The following PPP6R3 variants were observed in gnomAD, a reference collection of about 807,000 sequenced individuals.
The protein encoded by PPP6R3 is protein phosphatase 6 regulatory subunit 3, also known as serine/threonine-protein phosphatase 6 regulatory subunit 3.
In PPP6R3, 38 loss-of-function variants were observed where a neutral mutation model predicts 110.7. That is an observed-to-expected ratio of 0.34 (90% CI 0.26 to 0.45). The LOEUF (loss-of-function observed/expected upper bound fraction) is 0.45. PPP6R3 is among the 20% of genes least tolerant of loss of function. The pLI is 1.00. For missense variants in PPP6R3, 870 were observed against 1,062.4 expected, an observed-to-expected ratio of 0.82 and a Z score of 2.52; for synonymous variants, 369 against 373.5, an observed-to-expected ratio of 0.99 and a Z score of 0.14.
intron 12 of PPP6R3, 44 bp from the exon 13 acceptor site, chr11:68,574,065 C>A (rs2099520934): frequency 7.2e-7 from 1 of 1,389,252 alleles, no homozygotes; most frequent in South Asian, 1.2e-5. Flanking sequence ...TTCATCACTT[C>A]ATCCTATCAG....
intron 10 of PPP6R3, 122 bp downstream of exon 10, chr11:68,567,288 G>T: frequency 1.8e-6 from 2 of 1,081,556 alleles, no homozygotes; most frequent in Non-Finnish European, 2.5e-6. Context: ...GAGCATAAAT[G>T]GTGTTTTATG....
chr11:68,591,165 G>C (rs533622744), intron 17 of PPP6R3, among the ~76,000 whole-genome samples: 1 of 152,206 alleles, frequency 6.6e-6, no homozygotes, highest in South Asian at 2.1e-4. Context: ...CTTATTTGCT[G>C]ATGGAGTAAG....
At chr11:68,572,503 C>G (rs2099511366) in intron 12 of PPP6R3, among the ~76,000 whole-genome samples, 1 of 152,118 alleles carries the variant, frequency 6.6e-6, no homozygotes, top group Non-Finnish European at 1.5e-5. Flanking sequence ...TAGGTAACAC[C>G]TGGCTCTCTG....
At chr11:68,495,015 T>C (rs1475544500) in intron 1 of PPP6R3, among the ~76,000 whole-genome samples, 1 of 152,170 alleles carries the variant, frequency 6.6e-6, no homozygotes, top group Non-Finnish European at 1.5e-5. Flanking sequence ...CTGGCACATA[T>C]GAGATCCTCT....
At chr11:68,560,747 C>A (rs2099415857) in intron 8 of PPP6R3, among the ~76,000 whole-genome samples, 1 of 152,082 alleles carries the variant, frequency 6.6e-6, no homozygotes, top group African/African-American at 2.4e-5. Context: ...TATATTTGTT[C>A]CTCTGTATCT....
At chr11:68,567,217 G>T in intron 10 of PPP6R3, 51 bp downstream of exon 10, 1 of 1,479,540 alleles carries the variant, frequency 6.8e-7, no homozygotes, top group South Asian at 1.4e-5. Flanking sequence ...GATATTTCAT[G>T]GATATTTAAC....
At chr11:68,488,672 G>A (rs2153424828) in intron 1 of PPP6R3, 2 of 152,644 alleles carry the variant, frequency 1.3e-5, no homozygotes, top group Middle Eastern at 6.8e-3. Flanking sequence ...CATCAGGCAT[G>A]TTCTCATCAT....
rs1944688642 is a variant in PPP6R3, at chr11:68,614,042, C to T, written c.*925C>T. The T allele has an allele frequency of 1.0e-6, 1 of 985,522 alleles. No individual in the cohort carries two copies. Among genetic ancestry groups the T allele is most frequent in the Non-Finnish European group, 1.2e-6 (1 of 829,840 alleles). 61.0% of individuals were successfully genotyped at this position (985,522 alleles called of 1,614,324 possible). A position where few individuals can be genotyped will look rare whatever the true frequency, so the allele number is the denominator to read the frequency against. On this transcript the variant is annotated 3_prime_UTR_variant, in exon 24 of 24. Coordinates refer to ENST00000393800, the MANE Select transcript of PPP6R3 (RefSeq NM_001164161.2). The stretch of plus-strand genomic sequence containing the variant: ...ATTTCAGAGCAATCTGCATATTTAA[C>T]AGACCTAAAATAAATCCTATTAGGC...
At chr11:68,538,013 A>G in intron 3 of PPP6R3, 122 bp downstream of exon 3, 2 of 743,266 alleles carry the variant, frequency 2.7e-6, no homozygotes, top group South Asian at 4.3e-5. Flanking sequence ...AAGATAGTCA[A>G]GAATGACAGG....
At chr11:68,482,663 G>T (rs1264733146) in intron 1 of PPP6R3, among the ~76,000 whole-genome samples, 1 of 151,874 alleles carries the variant, frequency 6.6e-6, no homozygotes, top group Admixed American at 6.6e-5. Flanking sequence ...GGGATAGAAA[G>T]TCTTAGTTTT....
chr11:68,569,570 C>T (rs1291691716), intron 10 of PPP6R3, among the ~76,000 whole-genome samples, 178 bp from the exon 11 acceptor site: 2 of 152,210 alleles, frequency 1.3e-5, no homozygotes, highest in African/African-American at 4.8e-5. Context: ...ACTGAAACCA[C>T]AGAAAATGAA....
intron 2 of PPP6R3, among the ~76,000 whole-genome samples, chr11:68,525,565 C>G (rs899962058): frequency 3.3e-5 from 5 of 152,110 alleles, no homozygotes; most frequent in Middle Eastern, 3.4e-3. Context: ...TTGAGATAGC[C>G]CTGAATACTT....
In PPP6R3 at chr11:68,540,599, G is replaced by A. The variant is rs886714905; in HGVS notation, c.227+2708G>A. Among the ~76,000 whole-genome samples, 15 of 152,228 alleles carry A rather than the reference G, an allele frequency of 9.9e-5. No homozygotes were observed. In the South Asian group the frequency reaches 1.2e-3, roughly 13 times the overall value. ...CCCGTCTGACCAAAATTTGTTAGGC[G>A]GGAAGTTCCTCTTCCTAATAAGCCT... On this transcript the variant is annotated intron_variant, in intron 3 of 23. Transcript: ENST00000393800.
At chr11:68,512,939 G>T (rs1010724585) in intron 1 of PPP6R3, among the ~76,000 whole-genome samples, 9 of 152,258 alleles carry the variant, frequency 5.9e-5, no homozygotes, top group East Asian at 5.8e-4. Context: ...TGAGTGGGCT[G>T]CGGGGAAGAT....
At chr11:68,548,367 G>A (rs568008240) in intron 5 of PPP6R3, among the ~76,000 whole-genome samples, 163 bp downstream of exon 5, 2 of 152,316 alleles carry the variant, frequency 1.3e-5, no homozygotes, top group East Asian at 3.9e-4. Flanking sequence ...TTCCAAGATA[G>A]GAAGAGATCC....
intron 1 of PPP6R3, among the ~76,000 whole-genome samples, chr11:68,468,590 A>G (rs941770951): frequency 5.3e-5 from 8 of 152,344 alleles, no homozygotes; most frequent in African/African-American, 1.7e-4. Context: ...AAGGAGAGAA[A>G]TGGAGTATTA....
chr11:68,523,934 T>C (rs2099180806), intron 2 of PPP6R3, among the ~76,000 whole-genome samples: 1 of 152,172 alleles, frequency 6.6e-6, no homozygotes, highest in Admixed American at 6.5e-5. Flanking sequence ...TGCGTGGGGT[T>C]CAACCCACTA....
chr11:68,481,988 G>A (rs2098916674), intron 1 of PPP6R3, among the ~76,000 whole-genome samples: 1 of 152,128 alleles, frequency 6.6e-6, no homozygotes, highest in Non-Finnish European at 1.5e-5. Flanking sequence ...AAGTGGGATA[G>A]AACCTTGGTT....
At chr11:68,478,917 G>GAGTGGA (rs1274480192) in intron 1 of PPP6R3, among the ~76,000 whole-genome samples, 1 of 151,858 alleles carries the variant, frequency 6.6e-6, no homozygotes, top group African/African-American at 2.4e-5. Context: ...CAGCCTCCCA[G>GAGTGGA]AGTGCTGGGA....
Sources: gnomAD v4.1 joint callset for allele counts (sites outside exome capture counted in the v4.1 genomes callset) on GRCh38, gnomAD v4.1.1 for gene constraint, MANE v1.5 for transcripts, NCBI Gene and HGNC (gene_info 2026-07-23, HGNC 2026-07-21) for gene names.